Variants in TNIK observed in about 807,000 individuals in gnomAD.
TNIK encodes the protein TRAF2 and NCK interacting kinase.
In TNIK, 49 loss-of-function variants were observed where a neutral mutation model predicts 191.3. That is an observed-to-expected ratio of 0.26 (90% CI 0.20 to 0.32). TNIK has a LOEUF of 0.32. Among genes scored for constraint, TNIK ranks in the 10% least tolerant of loss-of-function variants. The pLI is 1.00. For missense variants in TNIK, 1,155 were observed against 1,702.3 expected, an observed-to-expected ratio of 0.68 and a Z score of 5.66; for synonymous variants, 594 against 600.9, an observed-to-expected ratio of 0.99 and a Z score of 0.17.
intron 2 of TNIK, among the ~76,000 whole-genome samples, chr3:171,267,736 A>G (rs74733129): frequency 1.3e-5 from 2 of 152,244 alleles, no homozygotes; most frequent in Non-Finnish European, 1.5e-5. Context: ...GGAGAAATAA[A>G]GGCAACTTTT....
chr3:171,244,000 C>G (rs1188889646), intron 2 of TNIK, among the ~76,000 whole-genome samples: 5 of 151,118 alleles, frequency 3.3e-5, no homozygotes, highest in Non-Finnish European at 7.4e-5. Context: ...CGAGAAAAAG[C>G]TCAAGTGCAG....
At chr3:171,074,247 G>A (rs1405471617) in intron 28 of TNIK, among the ~76,000 whole-genome samples, 2 of 152,036 alleles carry the variant, frequency 1.3e-5, no homozygotes, top group South Asian at 2.1e-4. Flanking sequence ...CAATCTCCTA[G>A]GGTAAAATAA....
rs371998445 is a variant in TNIK at position 171,326,327 on chromosome 3, A to G, written c.123+43293T>C. ...CTTTGAATTGCCTTTATCTTTCAAG[A>G]TACTGATTCTCGTTACAGAGTATTA... is the stretch of plus-strand genomic sequence containing the variant. On this transcript the variant is annotated intron_variant, in intron 2 of 32. Transcript: ENST00000436636. 7.3e-4 allele frequency among the ~76,000 whole-genome samples: 111 copies of G among 152,286 alleles called. 3 individuals carry two copies. The South Asian group carries it at 0.022, about 31-fold the overall frequency.
chr3:171,267,609 A>C (rs1748548719), intron 2 of TNIK, among the ~76,000 whole-genome samples: 1 of 152,224 alleles, frequency 6.6e-6, no homozygotes, highest in Non-Finnish European at 1.5e-5. Context: ...CCAGAGACTA[A>C]ATACTTATAT....
intron 11 of TNIK, among the ~76,000 whole-genome samples, chr3:171,157,922 G>A (rs766799439): frequency 3.9e-5 from 6 of 152,202 alleles, no homozygotes; most frequent in Non-Finnish European, 8.8e-5. Flanking sequence ...TCTCAGAGTT[G>A]TCACCTTCTC....
chr3:171,096,935 G>A (rs1446283575), intron 22 of TNIK, among the ~76,000 whole-genome samples: 1 of 152,100 alleles, frequency 6.6e-6, no homozygotes, highest in African/African-American at 2.4e-5. Flanking sequence ...TGGCTATCAG[G>A]ATATTATTTG....
At chr3:171,187,832 C>G (rs928953984) in intron 7 of TNIK, among the ~76,000 whole-genome samples, 33 of 152,270 alleles carry the variant, frequency 2.2e-4, no homozygotes, top group Middle Eastern at 3.4e-3. Flanking sequence ...CTGAAACCAG[C>G]CCAAGCAGAT....
rs371525092 is a variant in TNIK, at chr3:171,453,766, T to C, written c.57+6241A>G. ...GGAACAGTGGAGACAAGGGGACCCATATGATAAACATTAAGGGAAGAATTT... is the reference window on the plus strand; with the variant it reads ...GGAACAGTGGAGACAAGGGGACCCACATGATAAACATTAAGGGAAGAATTT... On this transcript the variant is annotated intron_variant, in intron 1 of 32. Transcript: ENST00000436636. 5.9e-4 allele frequency among the ~76,000 whole-genome samples: 90 copies of C among 152,182 alleles called. 1 individual carries two copies. The highest frequency in any genetic ancestry group is 2.0e-3 in the African/African-American group (85 of 41,502).
chr3:171,219,486 G>A (rs1742014686), intron 3 of TNIK, among the ~76,000 whole-genome samples: 1 of 151,468 alleles, frequency 6.6e-6, no homozygotes, highest in Non-Finnish European at 1.5e-5. Flanking sequence ...GATGGATAAT[G>A]CACAGTTCCT....
intron 12 of TNIK, among the ~76,000 whole-genome samples, chr3:171,146,087 C>T (rs1233143702): frequency 6.6e-6 from 1 of 152,148 alleles, no homozygotes; most frequent in Non-Finnish European, 1.5e-5. Context: ...ACATGAATCT[C>T]AACCACTTCA....
intron 1 of TNIK, among the ~76,000 whole-genome samples, chr3:171,419,796 C>T (rs1723535864): frequency 6.6e-6 from 1 of 151,844 alleles, no homozygotes; most frequent in Non-Finnish European, 1.5e-5. Flanking sequence ...ATATTATTAG[C>T]ATTTCATCAG....
At chr3:171,418,104 G>A (rs1332340306) in intron 1 of TNIK, among the ~76,000 whole-genome samples, 1 of 152,142 alleles carries the variant, frequency 6.6e-6, no homozygotes, top group Non-Finnish European at 1.5e-5. Flanking sequence ...ATTAAACAGT[G>A]AGACTAGGTC....
intron 2 of TNIK, among the ~76,000 whole-genome samples, chr3:171,245,570 A>G (rs1745499707): frequency 6.6e-6 from 1 of 152,064 alleles, no homozygotes. Context: ...TAACAATAAA[A>G]AAAAAAAAAA....
intron 1 of TNIK, among the ~76,000 whole-genome samples, chr3:171,425,866 T>G (rs1440459837): frequency 6.6e-6 from 1 of 150,532 alleles, no homozygotes; most frequent in Admixed American, 6.6e-5. Context: ...GCACCATGCA[T>G]GTAAAAATGC....
At chr3:171,093,555 G>T (rs938472968) in intron 23 of TNIK, among the ~76,000 whole-genome samples, 2 of 152,144 alleles carry the variant, frequency 1.3e-5, no homozygotes, top group African/African-American at 2.4e-5. Context: ...ATCTAAGTTT[G>T]CAATTTTATA....
intron 2 of TNIK, among the ~76,000 whole-genome samples, chr3:171,243,315 G>A (rs1477428311): frequency 6.6e-6 from 1 of 152,082 alleles, no homozygotes; most frequent in East Asian, 1.9e-4. Context: ...CATCATTTCT[G>A]TAAGTTGAAA....
intron 2 of TNIK, among the ~76,000 whole-genome samples, chr3:171,229,977 G>C (rs565694325): frequency 6.6e-6 from 1 of 152,196 alleles, no homozygotes; most frequent in South Asian, 2.1e-4. Flanking sequence ...GCTGTGTCTG[G>C]GCCCTCATTT....
intron 4 of TNIK, among the ~76,000 whole-genome samples, chr3:171,210,851 GAAAAAAA>G (rs11324657): frequency 1.5e-5 from 2 of 131,428 alleles, no homozygotes; most frequent in Non-Finnish European, 3.3e-5. Context: ...GTCAATTAGT[GAAAAAAA>G]AAAAAAAAAA....
At chr3:171,431,436 C>T (rs1281020720) in intron 1 of TNIK, among the ~76,000 whole-genome samples, 1 of 151,914 alleles carries the variant, frequency 6.6e-6, no homozygotes. Flanking sequence ...GAGAAATATG[C>T]CAAAATATTA....
Sources: gnomAD v4.1 joint callset for allele counts (sites outside exome capture counted in the v4.1 genomes callset) on GRCh38, gnomAD v4.1.1 for gene constraint, MANE v1.5 for transcripts, NCBI Gene and HGNC (gene_info 2026-07-23, HGNC 2026-07-21) for gene names.